FAN1: variants seen among roughly 807,000 people sequenced by gnomAD.
FAN1 encodes the protein fanconi-associated nuclease 1.
FAN1 carries 91 observed loss-of-function variants against 104.9 expected under a neutral mutation model. The ratio of observed to expected loss-of-function variants is 0.87; its 90% CI spans 0.73 to 1.03. The LOEUF is 1.03. FAN1 is among the 50% of genes least tolerant of loss of function. FAN1 has a pLI of 0.00. For missense variants in FAN1, 1,263 were observed against 1,239.9 expected (o/e 1.02, Z -0.28); for synonymous variants, 478 against 457.6 (o/e 1.04, Z -0.57).
intron 12 of FAN1, among the ~76,000 whole-genome samples, chr15:30,929,777 TATTATATC>T (rs1200836657): frequency 4.4e-5 from 1 of 22,590 alleles, no homozygotes; most frequent in African/African-American, 3.0e-4. Flanking sequence ...ATATATAATA[TATTATATC>T]ATATATAATA....
chr15:30,916,669 T>C (rs1364618363), intron 5 of FAN1, among the ~76,000 whole-genome samples: 1 of 152,224 alleles, frequency 6.6e-6, no homozygotes, highest in Non-Finnish European at 1.5e-5. Flanking sequence ...TGAGATAATT[T>C]ATCCTTTTAA....
chr15:30,914,258 TGTA>T (rs1566915944), intron 5 of FAN1, among the ~76,000 whole-genome samples, 167 bp downstream of exon 5: 2 of 152,204 alleles, frequency 1.3e-5, no homozygotes, highest in Admixed American at 6.5e-5. Context: ...ATAGGGAAAA[TGTA>T]GAAGTGTGCT....
intron 13 of FAN1, 124 bp from the exon 14 acceptor site, chr15:30,936,995 C>A: frequency 1.3e-6 from 1 of 759,586 alleles, no homozygotes; most frequent in Non-Finnish European, 2.2e-6. Context: ...TTGTGTTACA[C>A]TTACAAATAC....
intron 12 of FAN1, 39 bp from the exon 13 acceptor site, chr15:30,930,504 A>T (rs375832096): frequency 6.4e-7 from 1 of 1,559,912 alleles, no homozygotes; most frequent in Middle Eastern, 1.7e-4. Context: ...ATTCTCTGTC[A>T]CGAGGGAAGT....
At chr15:30,915,326 G>A (rs1290111552) in intron 5 of FAN1, among the ~76,000 whole-genome samples, 1 of 152,184 alleles carries the variant, frequency 6.6e-6, no homozygotes, top group Non-Finnish European at 1.5e-5. Context: ...GGAAAGGTTG[G>A]TTAACAGATA....
Position 30,937,237 on chromosome 15 carries a change from A to T in FAN1, c.3035A>T (p.Lys1012Met). 6.2e-7 allele frequency: 1 copy of T among 1,613,916 alleles called. No homozygotes were observed. Among genetic ancestry groups the T allele is most frequent in the Non-Finnish European group, 8.5e-7 (1 of 1,179,964 alleles). The change falls in exon 14 of 15, where the codon AAG (lysine) becomes ATG (methionine). Residue 1012 changes from lysine (K) to methionine (M), a missense_variant. Coordinates refer to ENST00000362065, the MANE Select transcript of FAN1 (RefSeq NM_014967.5). The stretch of plus-strand genomic sequence containing the variant: ...TGCCATGTGGTTGCAGTTGGAGCTA[A>T]GAGCCAAAGCCTTAGCTAAAAGGTA... ...EVCHVVAVGA[K>M]SQSLS
chr15:30,922,757 T>C (rs188447620), intron 8 of FAN1, among the ~76,000 whole-genome samples: 5 of 152,382 alleles, frequency 3.3e-5, no homozygotes, highest in East Asian at 1.9e-4. Context: ...GGTAGAAAGA[T>C]TGGCGAGAAA....
chr15:30,909,152 T>C (rs2062044336), intron 3 of FAN1, among the ~76,000 whole-genome samples: 1 of 152,252 alleles, frequency 6.6e-6, no homozygotes, highest in Non-Finnish European at 1.5e-5. Flanking sequence ...AAAATTGTAC[T>C]GTATTAGGAA....
At chr15:30,932,378 T>C (rs1261722390) in intron 13 of FAN1, among the ~76,000 whole-genome samples, 1 of 152,166 alleles carries the variant, frequency 6.6e-6, no homozygotes, top group Non-Finnish European at 1.5e-5. Flanking sequence ...TGCATATATG[T>C]TCATGAAGGA....
In FAN1 at chr15:30,937,521, G is replaced by A. The variant is rs191406328; in HGVS notation, c.*3+262G>A. Among the ~76,000 whole-genome samples, 468 of 147,126 alleles carry A rather than the reference G, an allele frequency of 3.2e-3. 1 individual carries two copies. The highest frequency in any genetic ancestry group is 0.011 in the African/African-American group (431 of 39,622). ...GGCTGGAGTGCAGTGGTGTGATCTC[G>A]GCTCACTGCAACCTCCGCCTGCTAG... On this transcript the variant is annotated intron_variant, in intron 14 of 14. Transcript: ENST00000362065.
intron 5 of FAN1, among the ~76,000 whole-genome samples, chr15:30,917,034 A>G (rs1053345771): frequency 3.3e-5 from 5 of 152,018 alleles, no homozygotes; most frequent in African/African-American, 1.2e-4. Context: ...AACTCAGGAG[A>G]CCCCTGGCTA....
chr15:30,923,724 G>A (rs999882246), intron 8 of FAN1, among the ~76,000 whole-genome samples: 1 of 152,224 alleles, frequency 6.6e-6, no homozygotes, highest in Non-Finnish European at 1.5e-5. Flanking sequence ...GCCCTTCAGA[G>A]TCTCATTCTC....
chr15:30,933,313 G>T lies in FAN1; in HGVS notation c.2916+2642G>T, dbSNP rs529811486. On this transcript the variant is annotated intron_variant, in intron 13 of 14. Transcript: ENST00000362065. ...GCTTTATCTGAACCTCACAAATTTAGTAGTTGTTTTCATTTTCATTCAGTT... is the reference window on the plus strand; with the variant it reads ...GCTTTATCTGAACCTCACAAATTTATTAGTTGTTTTCATTTTCATTCAGTT... 2.0e-5 allele frequency among the ~76,000 whole-genome samples: 3 copies of T among 152,240 alleles called. No individual in the cohort carries two copies. The South Asian group carries it at 6.2e-4, about 32-fold the overall frequency.
At chr15:30,933,153 T>C (rs1053359078) in intron 13 of FAN1, among the ~76,000 whole-genome samples, 2 of 152,206 alleles carry the variant, frequency 1.3e-5, no homozygotes, top group East Asian at 1.9e-4. Context: ...ATTTACTGAT[T>C]TTCTCGAAGA....
At chr15:30,930,506 G>A (rs374058627) in intron 12 of FAN1, 37 bp from the exon 13 acceptor site, 24 of 1,560,772 alleles carry the variant, frequency 1.5e-5, no homozygotes, top group Non-Finnish European at 2.0e-5. Flanking sequence ...TCTCTGTCAC[G>A]AGGGAAGTGG....
rs370765234 is a variant in FAN1 at position 30,921,544 on chromosome 15, A to G, written c.2053-691A>G. ...ATATACAAAACAAGAAGAAAAGAAA[A>G]TGGGATCTTACAAAGAGGATGTGCT... On this transcript the variant is annotated intron_variant, in intron 7 of 14. Coordinates refer to ENST00000362065, the MANE Select transcript of FAN1 (RefSeq NM_014967.5). Among the ~76,000 whole-genome samples the G allele has an allele frequency of 8.5e-5, 13 of 152,336 alleles. No homozygotes were observed. In the East Asian group the frequency reaches 1.9e-3, roughly 23 times the overall value.
At chr15:30,921,698 A>T (rs2062333996) in intron 7 of FAN1, among the ~76,000 whole-genome samples, 1 of 152,184 alleles carries the variant, frequency 6.6e-6, no homozygotes, top group Non-Finnish European at 1.5e-5. Context: ...ATCATTCCAT[A>T]TTACAAAGAC....
At chr15:30,911,036 T>A in intron 4 of FAN1, 4 of 1,262,192 alleles carry the variant, frequency 3.2e-6, no homozygotes, top group Non-Finnish European at 4.0e-6. Context: ...CCAAGAAAAA[T>A]CGGAAGGCAA....
At chr15:30,922,079 AAG>A (rs1168463757) in intron 7 of FAN1, among the ~76,000 whole-genome samples, 154 bp from the exon 8 acceptor site, 1 of 152,232 alleles carries the variant, frequency 6.6e-6, no homozygotes, top group African/African-American at 2.4e-5. Flanking sequence ...AGGCACCTCA[AAG>A]TCCCTGTCCT....
Sources: allele counts gnomAD v4.1 joint callset (sites outside exome capture counted in the v4.1 genomes callset), GRCh38; gene constraint gnomAD v4.1.1; transcripts MANE v1.5; gene names NCBI Gene and HGNC (gene_info 2026-07-23, HGNC 2026-07-21).